EDNRB: variants seen among roughly 807,000 people sequenced by gnomAD.
EDNRB encodes endothelin receptor type B, also known as Hirschsprung disease 2.
EDNRB carries 18 observed loss-of-function variants against 46.4 expected under a neutral mutation model. That is an observed-to-expected ratio of 0.39 (90% CI 0.27 to 0.57). The LOEUF is 0.57. Ranked by LOEUF, EDNRB falls within the 20% of genes least tolerant of loss-of-function variation. The pLI is 0.61. For missense variants in EDNRB, 434 were observed against 537.5 expected (o/e 0.81, Z 1.90); for synonymous variants, 213 against 204.9 (o/e 1.04, Z -0.34).
At chr13:77,955,873 C>T (rs1348226512) in intron 1 of EDNRB, among the ~76,000 whole-genome samples, 1 of 151,598 alleles carries the variant, frequency 6.6e-6, no homozygotes, top group Non-Finnish European at 1.5e-5. Context: ...ATCTATCTAT[C>T]TATCTATCTA....
chr13:77,945,835 T>C (rs929413129), intron 1 of EDNRB, among the ~76,000 whole-genome samples: 2 of 140,294 alleles, frequency 1.4e-5, no homozygotes, highest in Admixed American at 7.6e-5. Context: ...TGATACATTA[T>C]ATCCAGCTTT....
At chr13:77,922,233 T>C (rs1321027406), upstream of EDNRB, among the ~76,000 whole-genome samples, 1 of 152,132 alleles carries the variant, frequency 6.6e-6, no homozygotes, top group Admixed American at 6.5e-5. Flanking sequence ...CTAAGATCAC[T>C]TCTCAAAGTT....
Position 77,949,363 on chromosome 13 carries a change from C to T in EDNRB, c.-52+25984G>A, listed in dbSNP as rs547928642. Among the ~76,000 whole-genome samples the T allele has an allele frequency of 1.5e-4, 23 of 152,266 alleles. No homozygotes were observed. In the East Asian group the frequency reaches 1.9e-3, roughly 13 times the overall value. On this transcript the variant is annotated intron_variant, in intron 1 of 7. Coordinates refer to the EDNRB transcript ENST00000646948. ...TACTGCCCAATGCTAAGTTCTTCTACGGCAGTCTGAGATGAGGGTTCCCTG... is the reference window on the plus strand; with the variant it reads ...TACTGCCCAATGCTAAGTTCTTCTATGGCAGTCTGAGATGAGGGTTCCCTG...
At chr13:77,946,540 A>G (rs1406523909) in intron 1 of EDNRB, among the ~76,000 whole-genome samples, 1 of 152,138 alleles carries the variant, frequency 6.6e-6, no homozygotes, top group East Asian at 1.9e-4. Context: ...GGCTGAGCTC[A>G]TGAATCATTT....
intron 1 of EDNRB, among the ~76,000 whole-genome samples, chr13:77,967,976 T>C (rs1306742406): frequency 6.6e-6 from 1 of 152,164 alleles, no homozygotes; most frequent in Non-Finnish European, 1.5e-5. Flanking sequence ...GCATTGTTCA[T>C]ATAAATGTGA....
chr13:77,952,192 A>T (rs1566334451), intron 1 of EDNRB, among the ~76,000 whole-genome samples: 1 of 152,294 alleles, frequency 6.6e-6, no homozygotes, highest in East Asian at 1.9e-4. Flanking sequence ...TCCATAGACA[A>T]GAGGAGGACG....
At chr13:77,903,671 C>T (rs957465951) in intron 1 of EDNRB, 64 bp from the exon 2 acceptor site, 1 of 1,358,866 alleles carries the variant, frequency 7.4e-7, no homozygotes, top group Non-Finnish European at 1.1e-6. Context: ...AATTGTATCA[C>T]TTAGTGAAGA....
chr13:77,958,209 G>A (rs1473659856), intron 1 of EDNRB, among the ~76,000 whole-genome samples: 8 of 152,130 alleles, frequency 5.3e-5, no homozygotes, highest in Admixed American at 3.9e-4. Context: ...TAGAGAACAG[G>A]CATGTAGATC....
chr13:77,952,577 G>C (rs12720137), intron 1 of EDNRB, among the ~76,000 whole-genome samples: 1 of 152,152 alleles, frequency 6.6e-6, no homozygotes, highest in African/African-American at 2.4e-5. Context: ...CATATATATA[G>C]AAAGCTAATT....
intron 1 of EDNRB, among the ~76,000 whole-genome samples, chr13:77,960,010 C>T (rs1209004550): frequency 6.6e-6 from 1 of 152,102 alleles, no homozygotes; most frequent in East Asian, 1.9e-4. Context: ...AAGAAATGAA[C>T]AAAGCCTCCA....
At chr13:77,902,500 G>C (rs1316171533) in intron 3 of EDNRB, among the ~76,000 whole-genome samples, 1 of 151,522 alleles carries the variant, frequency 6.6e-6, no homozygotes, top group African/African-American at 2.4e-5. Context: ...GTCATCCTTA[G>C]TCACCTGCTC....
chr13:77,937,991 A>C (rs1238981965), intron 1 of EDNRB, among the ~76,000 whole-genome samples: 1 of 152,112 alleles, frequency 6.6e-6, no homozygotes, highest in African/African-American at 2.4e-5. Flanking sequence ...AGGATGGAAA[A>C]ATTGAAAGTG....
chr13:77,918,629 A>G lies in EDNRB; in HGVS notation c.-56T>C. On this transcript the variant is annotated 5_prime_UTR_variant, in exon 1 of 7. Coordinates refer to ENST00000646607, the MANE Select transcript of EDNRB (RefSeq NM_001122659.3). The surrounding 1 kb of genome is among the most constrained non-coding windows in gnomAD (Gnocchi z 4.5). ...GCCGCTCCGCAGTTTCAGAGCCTAG[A>G]GACAAGCAGAGGAAGGAAGACAGGA... 6.5e-7 allele frequency: 1 copy of G among 1,533,508 alleles called. No homozygotes were observed. The highest frequency in any genetic ancestry group is 8.7e-7 in the Non-Finnish European group (1 of 1,153,890). The allele number at this position is 1,533,508 out of a possible 1,614,324, so 95.0% of individuals were successfully genotyped here. A position where few individuals can be genotyped will look rare whatever the true frequency, so the allele number is the denominator to read the frequency against.
At position 77,959,664 on chromosome 13, in the gene EDNRB, G is replaced by T. The variant is rs150588371; in HGVS notation, c.-52+15683C>A. On this transcript the variant is annotated intron_variant, in intron 1 of 7. Coordinates refer to the EDNRB transcript ENST00000646948. ...ACCCTCTAAAGGAACTCAGCTCTTC[G>T]CCAGCAATGGAACAAAGCTGGATGG... is the stretch of plus-strand genomic sequence containing the variant. Among the ~76,000 whole-genome samples, 461 of 152,288 alleles carry T rather than the reference G, an allele frequency of 3.0e-3. 3 individuals carry two copies. Among genetic ancestry groups the T allele is most frequent in the Non-Finnish European group, 2.7e-3 (182 of 68,014 alleles).
chr13:77,936,260 T>C (rs1362662292), intron 1 of EDNRB, among the ~76,000 whole-genome samples: 4 of 151,964 alleles, frequency 2.6e-5, no homozygotes, highest in Admixed American at 1.3e-4. Context: ...AGCCCAGGAA[T>C]AGTCAGGGAA....
chr13:77,970,199 C>T (rs1441236362), intron 1 of EDNRB, among the ~76,000 whole-genome samples: 1 of 152,148 alleles, frequency 6.6e-6, no homozygotes. Flanking sequence ...GTATTTTCAA[C>T]TTAGAGAGCT....
chr13:77,922,630 G>T (rs1025119195), upstream of EDNRB, among the ~76,000 whole-genome samples: 3 of 152,148 alleles, frequency 2.0e-5, no homozygotes, highest in African/African-American at 7.2e-5. Flanking sequence ...GTTTTAAAGT[G>T]ACTGCAAAAG....
upstream of EDNRB, chr13:77,919,708 T>C: frequency 3.1e-6 from 4 of 1,281,498 alleles, no homozygotes; most frequent in Non-Finnish European, 4.3e-6. Context: ...ACAGCATCAG[T>C]AGTAGTTGCC....
At chr13:77,930,269 T>C (rs752865892) in intron 1 of EDNRB, among the ~76,000 whole-genome samples, 18 of 152,038 alleles carry the variant, frequency 1.2e-4, no homozygotes, top group Non-Finnish European at 2.4e-4. Flanking sequence ...CAGTAAAAAA[T>C]AGTTTAGTAG....
Sources: allele counts gnomAD v4.1 joint callset (sites outside exome capture counted in the v4.1 genomes callset), GRCh38; gene constraint gnomAD v4.1.1; non-coding constraint Gnocchi (gnomAD v3.1); transcripts MANE v1.5; gene names NCBI Gene and HGNC (gene_info 2026-07-23, HGNC 2026-07-21).